Variants in THADA observed in about 807,000 individuals in gnomAD.
The protein encoded by THADA is tRNA (32-2'-O)-methyltransferase regulator THADA.
THADA carries 213 observed loss-of-function variants against 219.8 expected under a neutral mutation model. The observed-to-expected ratio is 0.97, with a 90% confidence interval of 0.87 to 1.09. THADA has a LOEUF of 1.09. Ranked by LOEUF, THADA falls within the 50% of genes least tolerant of loss-of-function variation. The pLI, the probability that THADA is intolerant of heterozygous loss-of-function variation, is 0.00. For missense variants in THADA, 2,956 were observed against 2,311.3 expected, an observed-to-expected ratio of 1.28 and a Z score of -5.72; for synonymous variants, 1,018 against 828.9, an observed-to-expected ratio of 1.23 and a Z score of -3.92.
intron 29 of THADA, among the ~76,000 whole-genome samples, chr2:43,380,146 G>A (rs891310457): frequency 2.6e-5 from 4 of 152,180 alleles, no homozygotes; most frequent in Admixed American, 6.5e-5. Context: ...ACTTTATAGT[G>A]CAAAGACTAA....
At chr2:43,241,975 A>G (rs1439673199) in intron 36 of THADA, among the ~76,000 whole-genome samples, 1 of 150,084 alleles carries the variant, frequency 6.7e-6, no homozygotes. Context: ...CCTCCCTCCA[A>G]CTCTCTTGGC....
intron 27 of THADA, among the ~76,000 whole-genome samples, chr2:43,428,696 C>T (rs1678838117): frequency 6.6e-6 from 1 of 151,928 alleles, no homozygotes; most frequent in African/African-American, 2.4e-5. Flanking sequence ...CTTCTTATCT[C>T]CCAAATGTGC....
intron 15 of THADA, chr2:43,565,177 C>G (rs746585126): frequency 2.0e-5 from 3 of 152,188 alleles, no homozygotes; most frequent in Non-Finnish European, 2.9e-5. Context: ...GTGGCTCACA[C>G]CTGTAATCCC....
intron 16 of THADA, among the ~76,000 whole-genome samples, chr2:43,558,127 G>C (rs1697607018): frequency 6.6e-6 from 1 of 152,110 alleles, no homozygotes; most frequent in Non-Finnish European, 1.5e-5. Flanking sequence ...CGTCATCTTA[G>C]GTCAATCGAA....
chr2:43,340,290 C>T (rs1000292797), intron 30 of THADA, among the ~76,000 whole-genome samples: 16 of 152,200 alleles, frequency 1.1e-4, no homozygotes, highest in African/African-American at 3.6e-4. Flanking sequence ...AGCCATGTTG[C>T]CAGCTGACCA....
chr2:43,385,500 G>A (rs192351001), intron 29 of THADA, among the ~76,000 whole-genome samples: 48 of 151,878 alleles, frequency 3.2e-4, no homozygotes, highest in African/African-American at 9.9e-4. Flanking sequence ...CCAGTTACTC[G>A]GAAGTCTGAG....
At chr2:43,365,362 C>T (rs186267767) in intron 29 of THADA, among the ~76,000 whole-genome samples, 46 of 151,890 alleles carry the variant, frequency 3.0e-4, no homozygotes, top group African/African-American at 1.1e-3. Flanking sequence ...CTTGAGGTCA[C>T]GAGTTTGAGA....
intron 31 of THADA, among the ~76,000 whole-genome samples, chr2:43,306,946 A>G (rs539127239): frequency 3.9e-5 from 6 of 152,226 alleles, no homozygotes; most frequent in East Asian, 3.9e-4. Context: ...AATTTTTATG[A>G]CATTTATCCC....
chr2:43,484,107 A>C (rs1363399146), intron 26 of THADA, among the ~76,000 whole-genome samples: 1 of 152,094 alleles, frequency 6.6e-6, no homozygotes, highest in Non-Finnish European at 1.5e-5. Context: ...AAAAAAAATT[A>C]AAAAGCTCTC....
chr2:43,353,933 T>G (rs1195553120), intron 29 of THADA, among the ~76,000 whole-genome samples: 1 of 152,072 alleles, frequency 6.6e-6, no homozygotes, highest in Non-Finnish European at 1.5e-5. Context: ...TTCTCCTGCC[T>G]CAGCCTCCCG....
rs938385443 is a variant in THADA at position 43,372,519 on chromosome 2, T to C, written c.4227+25452A>G. ...GAAGTGGCCATTAAACTTGGAGTTCTAGGGTCAGGAGTTTCTAACCCCTCT... is the reference window on the plus strand; with the variant it reads ...GAAGTGGCCATTAAACTTGGAGTTCCAGGGTCAGGAGTTTCTAACCCCTCT... On this transcript the variant is annotated intron_variant, in intron 29 of 37. Transcript: ENST00000405975. Among the ~76,000 whole-genome samples, 11 of 152,138 alleles carry C rather than the reference T, an allele frequency of 7.2e-5. 1 individual carries two copies. The East Asian group carries it at 1.9e-3, about 27-fold the overall frequency.
rs766732650 is a variant in THADA, at chr2:43,508,703, G to C, written c.3452C>G (p.Pro1151Arg). 6.2e-6 allele frequency: 10 copies of C among 1,613,556 alleles called. No individual in the cohort carries two copies. The African/African-American group carries it at 1.3e-4, about 22-fold the overall frequency. ...SVLEEIKCSD[P>R]SSKLCATRRS... Reference sequence around the variant, plus strand: ...CCTTGTAGCACAGAGTTTAGATGAAGGATCACTGCATTTAATTTCCTCTAA... The same window carrying C: ...CCTTGTAGCACAGAGTTTAGATGAACGATCACTGCATTTAATTTCCTCTAA... The change falls in exon 23 of 38, where the codon CCT (proline) becomes CGT (arginine). Residue 1151 changes from proline (P) to arginine (R), a missense_variant. Coordinates refer to ENST00000405975, the MANE Select transcript of THADA (RefSeq NM_022065.5).
intron 36 of THADA, among the ~76,000 whole-genome samples, chr2:43,273,881 G>A (rs1447122348): frequency 2.0e-5 from 3 of 152,096 alleles, no homozygotes; most frequent in Non-Finnish European, 4.4e-5. Context: ...TGTGGGTGAC[G>A]ATGATGCACA....
At chr2:43,473,987 C>T (rs747563862) in intron 26 of THADA, among the ~76,000 whole-genome samples, 22 of 152,152 alleles carry the variant, frequency 1.4e-4, no homozygotes, top group Non-Finnish European at 2.6e-4. Context: ...GCGACTAACA[C>T]ATTGTGCTGA....
intron 30 of THADA, among the ~76,000 whole-genome samples, chr2:43,335,914 T>C (rs562010481): frequency 1.3e-5 from 2 of 151,708 alleles, no homozygotes; most frequent in South Asian, 2.1e-4. Context: ...CTGGCTAACA[T>C]GGTGAAATCC....
At chr2:43,546,179 T>G (rs144688207) in intron 20 of THADA, among the ~76,000 whole-genome samples, 4 of 150,646 alleles carry the variant, frequency 2.7e-5, no homozygotes, top group East Asian at 1.9e-4. Flanking sequence ...TGTAGTTGAG[T>G]GGTTTTGAGT....
At chr2:43,500,575 C>T (rs927418423) in intron 24 of THADA, among the ~76,000 whole-genome samples, 3 of 152,030 alleles carry the variant, frequency 2.0e-5, no homozygotes, top group Non-Finnish European at 2.9e-5. Flanking sequence ...ACATATTTAT[C>T]TAAAAAGATG....
At chr2:43,558,324 A>G (rs1207276332) in intron 16 of THADA, among the ~76,000 whole-genome samples, 1 of 152,184 alleles carries the variant, frequency 6.6e-6, no homozygotes. Context: ...TTAATTATAT[A>G]TTATATAAGG....
At chr2:43,473,631 G>C (rs1242744165) in intron 26 of THADA, among the ~76,000 whole-genome samples, 1 of 150,590 alleles carries the variant, frequency 6.6e-6, no homozygotes, top group Non-Finnish European at 1.5e-5. Flanking sequence ...TTTTTTTTGA[G>C]ACAGAGTCTC....
Sources: gnomAD v4.1 joint callset for allele counts (sites outside exome capture counted in the v4.1 genomes callset) on GRCh38, gnomAD v4.1.1 for gene constraint, MANE v1.5 for transcripts, NCBI Gene and HGNC (gene_info 2026-07-23, HGNC 2026-07-21) for gene names.